Variants in ZNF438 observed in about 807,000 individuals in gnomAD.
The protein encoded by ZNF438 is zinc finger protein 438.
ZNF438 carries 25 observed loss-of-function variants against 38.0 expected under a neutral mutation model. That is an observed-to-expected ratio of 0.66 (90% CI 0.48 to 0.92). ZNF438 has a LOEUF of 0.92. Ranked by LOEUF, ZNF438 falls within the 40% of genes least tolerant of loss-of-function variation. The pLI is 0.00. For synonymous variants in ZNF438, 372 were observed against 364.1 expected, an observed-to-expected ratio of 1.02 and a Z score of -0.25; for missense variants, 1,007 against 999.6, an observed-to-expected ratio of 1.01 and a Z score of -0.10.
chr10:30,970,256 C>T (rs1205802404), intron 1 of ZNF438, among the ~76,000 whole-genome samples: 2 of 152,024 alleles, frequency 1.3e-5, no homozygotes, highest in Non-Finnish European at 2.9e-5. Flanking sequence ...AGTAACCTTT[C>T]TCAAGTAATA....
intron 1 of ZNF438, among the ~76,000 whole-genome samples, chr10:31,002,264 T>C (rs2054733123): frequency 6.6e-6 from 1 of 152,256 alleles, no homozygotes; most frequent in African/African-American, 2.4e-5. Context: ...CACCTTTTTA[T>C]TAATCATTAA....
At chr10:30,844,941 C>A in exon 6 of ZNF438, 2 of 1,607,902 alleles carry the variant, frequency 1.2e-6, no homozygotes, top group Non-Finnish European at 1.7e-6. Flanking sequence ...CTCTCCTTAA[C>A]CCCAGGCTGC....
chr10:30,963,226 T>G (rs1236556745), intron 1 of ZNF438, among the ~76,000 whole-genome samples: 1 of 151,634 alleles, frequency 6.6e-6, no homozygotes, highest in Non-Finnish European at 1.5e-5. Context: ...ACCCTGTCTC[T>G]ACCAAAAATA....
intron 3 of ZNF438, among the ~76,000 whole-genome samples, chr10:30,877,901 T>A (rs2038676711): frequency 6.6e-6 from 1 of 152,240 alleles, no homozygotes; most frequent in Non-Finnish European, 1.5e-5. Flanking sequence ...TTAAATATTT[T>A]TAAAGTAAGA....
At chr10:30,947,707 G>T (rs1458259113) in intron 1 of ZNF438, among the ~76,000 whole-genome samples, 2 of 152,248 alleles carry the variant, frequency 1.3e-5, no homozygotes, top group African/African-American at 4.8e-5. Flanking sequence ...TCCGAGCCAG[G>T]TGTGGGATAT....
intron 2 of ZNF438, among the ~76,000 whole-genome samples, chr10:30,940,031 TG>T (rs1370501936): frequency 6.6e-6 from 1 of 152,226 alleles, no homozygotes; most frequent in Non-Finnish European, 1.5e-5. Context: ...TCTTGTTAAC[TG>T]CACTAAGGTC....
intron 1 of ZNF438, among the ~76,000 whole-genome samples, chr10:30,956,303 G>A (rs541799271): frequency 1.3e-5 from 2 of 152,252 alleles, no homozygotes; most frequent in East Asian, 1.9e-4. Flanking sequence ...CTATGTTTAC[G>A]TAAATATGTG....
At chr10:30,897,096 CAT>C (rs1248939849) in intron 3 of ZNF438, among the ~76,000 whole-genome samples, 1 of 152,126 alleles carries the variant, frequency 6.6e-6, no homozygotes, top group Non-Finnish European at 1.5e-5. Context: ...GAAAGAATGA[CAT>C]ATTCTTTTTG....
chr10:30,999,325 G>A (rs2054409133), intron 1 of ZNF438: 1 of 152,168 alleles, frequency 6.6e-6, no homozygotes, highest in African/African-American at 2.4e-5. Context: ...AGTCCCAGAG[G>A]AGTGGGCCTC....
At chr10:30,987,485 A>G (rs2052966133) in intron 1 of ZNF438, among the ~76,000 whole-genome samples, 1 of 152,178 alleles carries the variant, frequency 6.6e-6, no homozygotes, top group Admixed American at 6.5e-5. Flanking sequence ...TCATTCAAAC[A>G]TTACATTCAA....
At chr10:30,898,849 T>C (rs1353618193) in intron 3 of ZNF438, among the ~76,000 whole-genome samples, 2 of 152,156 alleles carry the variant, frequency 1.3e-5, no homozygotes, top group East Asian at 3.9e-4. Flanking sequence ...ATTGCACCTG[T>C]ATCAATAAGA....
chr10:30,849,503 T>C, exon 5 of ZNF438: 2 of 1,614,236 alleles, frequency 1.2e-6, no homozygotes, highest in Non-Finnish European at 1.7e-6. Context: ...CTCCATTGTC[T>C]TCATTCTTGA....
At chr10:31,023,999 G>GT (rs1455351628) in intron 1 of ZNF438, among the ~76,000 whole-genome samples, 1 of 152,154 alleles carries the variant, frequency 6.6e-6, no homozygotes, top group Non-Finnish European at 1.5e-5. Context: ...CAAAACTCAG[G>GT]TAAGTTTCTA....
At chr10:30,948,360 A>C (rs2047710199) in intron 1 of ZNF438, among the ~76,000 whole-genome samples, 1 of 152,180 alleles carries the variant, frequency 6.6e-6, no homozygotes, top group South Asian at 2.1e-4. Flanking sequence ...CCTCCAAAGG[A>C]ACGCAGTTCC....
At chr10:30,992,890 C>T (rs76617748) in intron 1 of ZNF438, among the ~76,000 whole-genome samples, 6 of 152,328 alleles carry the variant, frequency 3.9e-5, no homozygotes, top group African/African-American at 1.2e-4. Context: ...TATGTCCATG[C>T]CCTAGGGGTT....
chr10:30,924,806 C>T (rs1333625078), intron 2 of ZNF438, among the ~76,000 whole-genome samples: 2 of 151,992 alleles, frequency 1.3e-5, no homozygotes, highest in East Asian at 3.9e-4. Context: ...AATGTGGTAT[C>T]CTGGGTTAGA....
intron 1 of ZNF438, among the ~76,000 whole-genome samples, chr10:30,954,252 C>T (rs960855124): frequency 2.0e-5 from 3 of 152,158 alleles, no homozygotes; most frequent in Non-Finnish European, 2.9e-5. Context: ...TATGGATACA[C>T]AAACTGATGA....
intron 3 of ZNF438, among the ~76,000 whole-genome samples, chr10:30,886,022 A>G (rs1260276299): frequency 1.3e-5 from 2 of 152,226 alleles, no homozygotes; most frequent in African/African-American, 4.8e-5. Context: ...TCAACTGGAT[A>G]TAAGAAAGAG....
intron 2 of ZNF438, among the ~76,000 whole-genome samples, chr10:30,913,965 AT>A (rs2043326819): frequency 6.6e-6 from 1 of 152,182 alleles, no homozygotes; most frequent in Non-Finnish European, 1.5e-5. Context: ...ATGACAAAAA[AT>A]ATGTAATTTT....
Sources: gnomAD v4.1 joint callset for allele counts (sites outside exome capture counted in the v4.1 genomes callset) on GRCh38, gnomAD v4.1.1 for gene constraint, MANE v1.5 for transcripts, NCBI Gene and HGNC (gene_info 2026-07-23, HGNC 2026-07-21) for gene names.